Variants in IMMP2L observed in about 807,000 individuals in gnomAD.
IMMP2L encodes mitochondrial inner membrane protease subunit 2.
A neutral mutation model predicts 19.3 loss-of-function variants in IMMP2L; 18 were observed. The observed-to-expected ratio is 0.93, with a 90% CI of 0.64 to 1.38. The LOEUF (loss-of-function observed/expected upper bound fraction) is 1.38. IMMP2L is among the 40% of genes most tolerant of loss of function. The pLI is 0.00. For missense variants in IMMP2L, 233 were observed against 218.2 expected (o/e 1.07, Z -0.43); for synonymous variants, 76 against 73.0 (o/e 1.04, Z -0.21).
intron 2 of IMMP2L, among the ~76,000 whole-genome samples, chr7:111,491,328 A>G (rs939607965): frequency 2.6e-5 from 4 of 152,070 alleles, no homozygotes; most frequent in African/African-American, 9.7e-5. Flanking sequence ...GTCAAAAGTT[A>G]TATGCAAATT....
intron 3 of IMMP2L, among the ~76,000 whole-genome samples, chr7:111,104,634 G>A (rs1442099727): frequency 6.6e-6 from 1 of 151,574 alleles, no homozygotes; most frequent in Non-Finnish European, 1.5e-5. Flanking sequence ...TTTTTGATTC[G>A]GGGAGCAAAT....
At chr7:111,017,160 T>C (rs1015573296) in intron 3 of IMMP2L, among the ~76,000 whole-genome samples, 1 of 150,496 alleles carries the variant, frequency 6.6e-6, no homozygotes, top group African/African-American at 2.5e-5. Flanking sequence ...CTCAACCTCC[T>C]GGGCTGAATC....
At chr7:110,908,003 G>A (rs540406220) in intron 4 of IMMP2L, among the ~76,000 whole-genome samples, 57 of 152,178 alleles carry the variant, frequency 3.7e-4, no homozygotes, top group Non-Finnish European at 5.9e-4. Flanking sequence ...ATGAGCAAGA[G>A]GGAGGAGTTA....
intron 3 of IMMP2L, among the ~76,000 whole-genome samples, chr7:111,063,833 C>T (rs1794247937): frequency 1.3e-5 from 2 of 152,122 alleles, no homozygotes; most frequent in African/African-American, 4.8e-5. Flanking sequence ...TCAGCCTGGA[C>T]CTTATTTTTC....
intron 3 of IMMP2L, among the ~76,000 whole-genome samples, chr7:111,335,578 T>C (rs1826317916): frequency 6.6e-6 from 1 of 152,106 alleles, no homozygotes; most frequent in Non-Finnish European, 1.5e-5. Context: ...AGAAAGTTTA[T>C]TGAAATGCTG....
chr7:110,733,796 T>C (rs1179334546), intron 5 of IMMP2L, among the ~76,000 whole-genome samples: 1 of 152,082 alleles, frequency 6.6e-6, no homozygotes, highest in East Asian at 1.9e-4. Context: ...CTTCCCCCTC[T>C]GGCCCTTCCT....
Position 111,487,260 on chromosome 7 carries a change from G to A in IMMP2L, c.217C>T (p.Arg73Cys), listed in dbSNP as rs368123865. 8.9e-6 allele frequency: 14 copies of A among 1,575,844 alleles called. No individual in the cohort carries two copies. Among genetic ancestry groups the A allele is most frequent in the African/African-American group, 8.1e-5 (6 of 74,076 alleles). ...HWKVRNFEVHRGDIVSLVSPK... is the reference protein window; with the variant it reads ...HWKVRNFEVHCGDIVSLVSPK... ...TACACCAATGATACAATGTCACCAC[G>A]GTGTACTTCAAAATTCCTCACTTTC... Residue 73 changes from arginine to cysteine, a missense_variant, in exon 3 of 6, where the codon CGT becomes TGT. Coordinates refer to ENST00000405709, the MANE Select transcript of IMMP2L (RefSeq NM_032549.4).
chr7:111,514,893 C>A (rs1000695726), intron 2 of IMMP2L, among the ~76,000 whole-genome samples: 7 of 151,938 alleles, frequency 4.6e-5, no homozygotes. Flanking sequence ...ATTATCACCC[C>A]AAAAAACAAT....
chr7:111,076,320 A>C (rs1795407857), intron 3 of IMMP2L, among the ~76,000 whole-genome samples: 1 of 152,244 alleles, frequency 6.6e-6, no homozygotes, highest in Admixed American at 6.5e-5. Context: ...AAGATCTGAT[A>C]TCTATTCAAT....
At chr7:111,493,892 C>T (rs1408889270) in intron 2 of IMMP2L, among the ~76,000 whole-genome samples, 1 of 150,744 alleles carries the variant, frequency 6.6e-6, no homozygotes, top group South Asian at 2.1e-4. Context: ...CCCAGCTACT[C>T]GGGAGGCTGA....
At chr7:111,516,886 C>A (rs1845915945) in intron 2 of IMMP2L, among the ~76,000 whole-genome samples, 1 of 152,086 alleles carries the variant, frequency 6.6e-6, no homozygotes, top group Admixed American at 6.6e-5. Flanking sequence ...TGAGTGACGA[C>A]ACAGAGAAGT....
chr7:111,123,430 G>C lies in IMMP2L; in HGVS notation c.240-159865C>G. ...TATCAATCTTCGCAGCCTGGTTATA[G>C]CTGGTATAAACCTCACAGAAATACC... On this transcript the variant is annotated intron_variant, in intron 3 of 5. Coordinates refer to ENST00000405709, the MANE Select transcript of IMMP2L (RefSeq NM_032549.4). This position sits in a 1 kb window ranked among gnomAD's most constrained non-coding sequence, Gnocchi z 6.4. 6.2e-7 allele frequency: 1 copy of C among 1,613,606 alleles called. No homozygotes were observed. Among genetic ancestry groups the C allele is most frequent in the Non-Finnish European group, 8.5e-7 (1 of 1,179,842 alleles).
rs143464718 is a variant in IMMP2L at position 111,556,779 on chromosome 7, C to A, written c.-3+5072G>T. Among the ~76,000 whole-genome samples the A allele has an allele frequency of 5.9e-5, 9 of 152,224 alleles. No individual in the cohort carries two copies. The East Asian group carries it at 1.7e-3, about 29-fold the overall frequency. On this transcript the variant is annotated intron_variant, in intron 1 of 5. Coordinates refer to ENST00000405709, the MANE Select transcript of IMMP2L (RefSeq NM_032549.4). ...ATACAATTCCTCTATGTACTTTTAT[C>A]CGTATCTATGGATACTTCAGTTACT... is the stretch of plus-strand genomic sequence containing the variant.
At chr7:111,411,383 A>C (rs1054870726) in intron 3 of IMMP2L, 3 of 466,532 alleles carry the variant, frequency 6.4e-6, no homozygotes, top group Non-Finnish European at 1.3e-5. Flanking sequence ...ATCAAGTTCA[A>C]AAAAAGGGGT....
chr7:111,184,991 A>G (rs939385988), intron 3 of IMMP2L, among the ~76,000 whole-genome samples: 2 of 152,246 alleles, frequency 1.3e-5, no homozygotes, highest in East Asian at 1.9e-4. Flanking sequence ...AAAAGCAAGA[A>G]ATCTCTTTCG....
chr7:111,012,511 G>A (rs991187364), intron 3 of IMMP2L, among the ~76,000 whole-genome samples: 9 of 152,032 alleles, frequency 5.9e-5, no homozygotes, highest in Non-Finnish European at 1.0e-4. Flanking sequence ...ATTTATATAT[G>A]ATATTAACAT....
chr7:111,157,023 GATA>G (rs1340377533), intron 3 of IMMP2L, among the ~76,000 whole-genome samples: 1 of 152,004 alleles, frequency 6.6e-6, no homozygotes, highest in Non-Finnish European at 1.5e-5. Flanking sequence ...ACCACAATGA[GATA>G]ACATCACACT....
At chr7:110,726,797 C>T (rs1020061789) in intron 5 of IMMP2L, among the ~76,000 whole-genome samples, 2 of 152,124 alleles carry the variant, frequency 1.3e-5, no homozygotes, top group African/African-American at 4.8e-5. Context: ...TCTACTTATG[C>T]TGGAGCAAAG....
At chr7:111,298,432 G>T (rs983655521) in intron 3 of IMMP2L, among the ~76,000 whole-genome samples, 1 of 152,098 alleles carries the variant, frequency 6.6e-6, no homozygotes, top group Admixed American at 6.6e-5. Flanking sequence ...AAAATGCTAT[G>T]TAAGTATTTG....
Sources: allele counts gnomAD v4.1 joint callset (sites outside exome capture counted in the v4.1 genomes callset), GRCh38; gene constraint gnomAD v4.1.1; non-coding constraint Gnocchi (gnomAD v3.1); transcripts MANE v1.5; gene names NCBI Gene and HGNC (gene_info 2026-07-23, HGNC 2026-07-21).